Variants in LPP observed in about 807,000 individuals in gnomAD.
The protein encoded by LPP is LIM domain containing preferred translocation partner in lipoma.
In LPP, 38 loss-of-function variants were observed where a neutral mutation model predicts 60.4. That is an observed-to-expected ratio of 0.63 (90% confidence interval 0.49 to 0.83). The LOEUF is 0.83. Ranked by LOEUF, LPP falls within the 40% of genes least tolerant of loss-of-function variation. LPP has a pLI of 0.00. For missense variants in LPP, 902 were observed against 783.6 expected (o/e 1.15, Z -1.80); for synonymous variants, 328 against 290.8 (o/e 1.13, Z -1.30).
rs776407928 is a variant in LPP at position 188,760,142 on chromosome 3, G to A, written c.1270G>A (p.Val424Ile). ...CTGTGCTCGCTGTGGAGAAAACGTA[G>A]TTGGGGAAGGTACAGGATGCACTGC... ...GRCARCGENV[V>I]GEGTGCTAMD... is the part of the protein sequence containing the mutation. Residue 424 changes from valine (V) to isoleucine (I), a missense_variant, in exon 9 of 12, where the codon GTT becomes ATT. Transcript: ENST00000617246. 3 of 1,614,078 alleles carry A rather than the reference G, an allele frequency of 1.9e-6. No homozygotes were observed. The highest frequency in any genetic ancestry group is 3.3e-5 in the Admixed American group (2 of 60,000).
chr3:188,413,639 C>A (rs1191711316), intron 4 of LPP, among the ~76,000 whole-genome samples: 3 of 152,146 alleles, frequency 2.0e-5, no homozygotes, highest in African/African-American at 7.2e-5. Context: ...ATTAAAGGAT[C>A]AAATATTAAT....
At chr3:188,319,543 C>T (rs572178665) in intron 2 of LPP, among the ~76,000 whole-genome samples, 1 of 152,292 alleles carries the variant, frequency 6.6e-6, no homozygotes, top group Non-Finnish European at 1.5e-5. Flanking sequence ...CAAGACATCA[C>T]TTTATGTAAT....
At chr3:188,590,178 TCTC>T (rs141181611) in intron 6 of LPP, among the ~76,000 whole-genome samples, 34,210 of 152,122 alleles carry the variant, frequency 0.22, 4,946 homozygotes, top group Non-Finnish European at 0.33. Context: ...TGTGCTGTGT[TCTC>T]CTCATATAGA....
chr3:188,718,021 A>G (rs1318913377), intron 8 of LPP, among the ~76,000 whole-genome samples: 2 of 152,130 alleles, frequency 1.3e-5, no homozygotes, highest in African/African-American at 4.8e-5. Flanking sequence ...AGGTTTCTCC[A>G]TGTTGGTCAG....
intron 1 of LPP, among the ~76,000 whole-genome samples, chr3:188,194,984 C>A (rs536828281): frequency 4.6e-5 from 7 of 152,160 alleles, no homozygotes; most frequent in African/African-American, 1.7e-4. Flanking sequence ...CTGGGCCAGA[C>A]GCGGTGGCTC....
chr3:188,418,669 T>A (rs533847888), intron 4 of LPP, among the ~76,000 whole-genome samples: 30 of 152,308 alleles, frequency 2.0e-4, no homozygotes, highest in Non-Finnish European at 3.8e-4. Flanking sequence ...CCAAATAATG[T>A]GTGAAAATTG....
At chr3:188,577,089 TCC>T (rs1834796353) in intron 6 of LPP, among the ~76,000 whole-genome samples, 1 of 152,146 alleles carries the variant, frequency 6.6e-6, no homozygotes, top group Non-Finnish European at 1.5e-5. Flanking sequence ...GTGGCAATAA[TCC>T]CCTGTAAGAC....
At chr3:188,654,798 T>C (rs1024145472) in intron 7 of LPP, among the ~76,000 whole-genome samples, 1 of 152,172 alleles carries the variant, frequency 6.6e-6, no homozygotes, top group African/African-American at 2.4e-5. Flanking sequence ...CTTTCACAAA[T>C]AAATTCCAGA....
chr3:188,536,001 AATTTTTT>A (rs1434462141), intron 6 of LPP, among the ~76,000 whole-genome samples: 1 of 97,364 alleles, frequency 1.0e-5, no homozygotes, highest in East Asian at 4.2e-4. Flanking sequence ...TTATTACATG[AATTTTTT>A]TTTTTTTTTT....
rs1392876941 is a variant in LPP, at chr3:188,221,329, C to G, written c.-189-4076C>G. On this transcript the variant is annotated intron_variant, in intron 1 of 11. Coordinates refer to ENST00000617246, the MANE Select transcript of LPP (RefSeq NM_001375462.1). ...GACCCTCAAAAGGACGTTGCATGTA[C>G]TCGTGCTTTTCTACACTTTTCATTC... Among the ~76,000 whole-genome samples, 6 of 152,196 alleles carry G rather than the reference C, an allele frequency of 3.9e-5. No homozygotes were observed. In the East Asian group the frequency reaches 1.2e-3, roughly 29 times the overall value.
At chr3:188,723,718 G>A (rs966490324) in intron 8 of LPP, among the ~76,000 whole-genome samples, 2 of 151,366 alleles carry the variant, frequency 1.3e-5, no homozygotes, top group African/African-American at 2.4e-5. Context: ...AAAAAAAAAA[G>A]ATTTTACACA....
chr3:188,227,337 C>T (rs541403569), intron 2 of LPP, among the ~76,000 whole-genome samples: 2 of 108,884 alleles, frequency 1.8e-5, no homozygotes, highest in Non-Finnish European at 3.7e-5. Context: ...TCCCTCCCCC[C>T]TCCCCCCACC....
At chr3:188,796,385 G>T (rs904498513) in intron 9 of LPP, among the ~76,000 whole-genome samples, 4 of 152,106 alleles carry the variant, frequency 2.6e-5, no homozygotes, top group Non-Finnish European at 4.4e-5. Flanking sequence ...AAGCATTTTG[G>T]CCTTTTTCCC....
In LPP at chr3:188,882,148, A is replaced by G. The variant is rs1255566147; in HGVS notation, c.*7669A>G. 2 of 211,722 alleles carry G rather than the reference A, an allele frequency of 9.4e-6. No individual in the cohort carries two copies. Among genetic ancestry groups the G allele is most frequent in the African/African-American group, 4.5e-5 (2 of 44,212 alleles). 13.1% of individuals were successfully genotyped at this position (211,722 alleles called of 1,614,324 possible). A position where few individuals can be genotyped will look rare whatever the true frequency, so the allele number is the denominator to read the frequency against. The stretch of plus-strand genomic sequence containing the variant: ...ATCTGTACTTACTCAATAGGAAGGA[A>G]TGTGACATCAGGAAGAGTCATTCCA... On this transcript the variant is annotated 3_prime_UTR_variant, in exon 12 of 12. Coordinates refer to ENST00000617246, the MANE Select transcript of LPP (RefSeq NM_001375462.1).
chr3:188,186,213 C>G (rs1312033011), intron 1 of LPP, among the ~76,000 whole-genome samples: 1 of 152,176 alleles, frequency 6.6e-6, no homozygotes, highest in Non-Finnish European at 1.5e-5. Flanking sequence ...GCTTCTGGGC[C>G]ACAGTGCTGC....
chr3:188,589,286 T>C (rs1240244464), intron 6 of LPP, among the ~76,000 whole-genome samples: 1 of 152,164 alleles, frequency 6.6e-6, no homozygotes, highest in Non-Finnish European at 1.5e-5. Context: ...ATTTAGTCCA[T>C]TTAAGCAACA....
intron 9 of LPP, among the ~76,000 whole-genome samples, chr3:188,770,073 G>A (rs2150659067): frequency 6.6e-6 from 1 of 151,926 alleles, no homozygotes; most frequent in South Asian, 2.1e-4. Flanking sequence ...GTGAATTGTT[G>A]GCAGTGGTTC....
At position 188,504,327 on chromosome 3, in the gene LPP, G is replaced by C. The variant is rs564886084; in HGVS notation, c.306+19623G>C. The stretch of plus-strand genomic sequence containing the variant: ...GATATTCCCATTTTATTCATGCATT[G>C]TTTTCTTAACTTTCTCCTTGCTTCC... On this transcript the variant is annotated intron_variant, in intron 5 of 11. Transcript: ENST00000617246. Among the ~76,000 whole-genome samples the C allele has an allele frequency of 8.6e-5, 13 of 151,510 alleles. No homozygotes were observed. In the South Asian group the frequency reaches 2.5e-3, roughly 29 times the overall value.
chr3:188,174,676 A>T (rs1722562332), intron 1 of LPP, among the ~76,000 whole-genome samples: 1 of 152,142 alleles, frequency 6.6e-6, no homozygotes, highest in African/African-American at 2.4e-5. Flanking sequence ...CTGAAACCTC[A>T]TCTCCATTGC....
Sources: allele counts gnomAD v4.1 joint callset (sites outside exome capture counted in the v4.1 genomes callset), GRCh38; gene constraint gnomAD v4.1.1; transcripts MANE v1.5; gene names NCBI Gene and HGNC (gene_info 2026-07-23, HGNC 2026-07-21).